NRCAM: variants seen among roughly 807,000 people sequenced by gnomAD.
NRCAM encodes neuronal cell adhesion molecule.
In NRCAM, 83 loss-of-function variants were observed where a neutral mutation model predicts 156.5. The observed-to-expected ratio is 0.53, with a 90% confidence interval of 0.44 to 0.64. The LOEUF (loss-of-function observed/expected upper bound fraction) is 0.64, where lower values mean the gene tolerates loss of function less well. Among genes scored for constraint, NRCAM ranks in the 30% least tolerant of loss-of-function variants. The pLI, the probability that NRCAM is intolerant of heterozygous loss-of-function variation, is 0.00. For missense variants in NRCAM, 1,417 were observed against 1,597.3 expected (o/e 0.89, Z 1.92); for synonymous variants, 538 against 563.9 (o/e 0.95, Z 0.65).
intron 3 of NRCAM, among the ~76,000 whole-genome samples, chr7:108,286,150 T>A (rs906492422): frequency 2.0e-5 from 3 of 152,224 alleles, no homozygotes; most frequent in Non-Finnish European, 4.4e-5. Context: ...TTGAATTTCA[T>A]GTAATTTTTC....
chr7:108,248,999 T>C (rs1158903096), intron 3 of NRCAM, among the ~76,000 whole-genome samples: 1 of 152,124 alleles, frequency 6.6e-6, no homozygotes, highest in African/African-American at 2.4e-5. Flanking sequence ...GGGTGCTAGC[T>C]AGTTGAAGCT....
intron 1 of NRCAM, among the ~76,000 whole-genome samples, chr7:108,436,598 T>A (rs1832509489): frequency 6.6e-6 from 1 of 152,200 alleles, no homozygotes; most frequent in Admixed American, 6.5e-5. Context: ...TCTCTCTGCT[T>A]TTGCATTTAA....
chr7:108,449,905 A>AT (rs35011471), intron 1 of NRCAM, among the ~76,000 whole-genome samples: 39,028 of 148,162 alleles, frequency 0.26, 5,346 homozygotes, highest in Non-Finnish European at 0.29. Flanking sequence ...CTAGAAATAG[A>AT]TTTTTTTTTT....
chr7:108,218,155 C>T (rs1336502182), intron 11 of NRCAM, among the ~76,000 whole-genome samples: 1 of 147,380 alleles, frequency 6.8e-6, no homozygotes, highest in Non-Finnish European at 1.5e-5. Flanking sequence ...GGCACAGTCC[C>T]TCACGGCTTC....
intron 11 of NRCAM, among the ~76,000 whole-genome samples, chr7:108,213,102 A>G (rs1463523005): frequency 6.6e-6 from 1 of 152,170 alleles, no homozygotes; most frequent in Non-Finnish European, 1.5e-5. Flanking sequence ...AGCCTCCACA[A>G]ACAAAACAAT....
At chr7:108,166,796 G>A (rs1473902161) in intron 30 of NRCAM, 125 bp downstream of exon 30, 4 of 722,466 alleles carry the variant, frequency 5.5e-6, no homozygotes, top group South Asian at 3.5e-5. Flanking sequence ...AACCCAACAG[G>A]GCCCCATAGA....
chr7:108,206,320 C>G (rs1374938506), intron 13 of NRCAM, among the ~76,000 whole-genome samples: 3 of 152,186 alleles, frequency 2.0e-5, no homozygotes, highest in African/African-American at 7.2e-5. Context: ...TTGGGAAAGT[C>G]AATTCGGCAG....
At chr7:108,382,834 C>T (rs903400067) in intron 2 of NRCAM, among the ~76,000 whole-genome samples, 1 of 152,146 alleles carries the variant, frequency 6.6e-6, no homozygotes, top group Non-Finnish European at 1.5e-5. Flanking sequence ...AAATTACCCA[C>T]TATCAATTTC....
At chr7:108,322,185 G>A (rs1375908317) in intron 2 of NRCAM, among the ~76,000 whole-genome samples, 1 of 151,986 alleles carries the variant, frequency 6.6e-6, no homozygotes, top group African/African-American at 2.4e-5. Flanking sequence ...GTCATTTTTG[G>A]TTCAACATTC....
At chr7:108,453,892 C>G (rs1383609784) in intron 1 of NRCAM, among the ~76,000 whole-genome samples, 1 of 152,066 alleles carries the variant, frequency 6.6e-6, no homozygotes, top group Non-Finnish European at 1.5e-5. Context: ...GAATGATTTC[C>G]TAAGATTGGA....
At chr7:108,375,524 T>C (rs2099671448) in intron 2 of NRCAM, among the ~76,000 whole-genome samples, 1 of 152,116 alleles carries the variant, frequency 6.6e-6, no homozygotes, top group Admixed American at 6.6e-5. Context: ...AAAAGGATCA[T>C]AGTCTTCAAG....
chr7:108,367,221 A>G (rs1218703158), intron 2 of NRCAM, among the ~76,000 whole-genome samples: 1 of 152,216 alleles, frequency 6.6e-6, no homozygotes, highest in Non-Finnish European at 1.5e-5. Context: ...TTTGACCACT[A>G]TATCAAAAAG....
intron 1 of NRCAM, among the ~76,000 whole-genome samples, chr7:108,428,942 C>A (rs948702305): frequency 6.9e-6 from 1 of 145,590 alleles, no homozygotes; most frequent in East Asian, 2.0e-4. Flanking sequence ...ATTTTCTTTT[C>A]TTTTCTTCTT....
intron 8 of NRCAM, 101 bp from the exon 9 acceptor site, chr7:108,226,479 T>C: frequency 1.4e-6 from 1 of 718,200 alleles, no homozygotes; most frequent in Non-Finnish European, 2.3e-6. Flanking sequence ...GTGAACTTCA[T>C]TTGAATATAT....
intron 2 of NRCAM, among the ~76,000 whole-genome samples, chr7:108,340,579 G>T (rs1485882131): frequency 6.6e-6 from 1 of 152,140 alleles, no homozygotes; most frequent in Admixed American, 6.5e-5. Context: ...AGGCCAGCAG[G>T]AAGTTCCCAG....
chr7:108,200,238 G>A (rs1225928624), intron 13 of NRCAM, among the ~76,000 whole-genome samples: 4 of 152,282 alleles, frequency 2.6e-5, no homozygotes, highest in South Asian at 2.1e-4. Context: ...TAAGGAACAT[G>A]TTCTTCCAAA....
intron 1 of NRCAM, among the ~76,000 whole-genome samples, chr7:108,422,121 T>G (rs574542206): frequency 6.6e-6 from 1 of 152,308 alleles, no homozygotes; most frequent in African/African-American, 2.4e-5. Flanking sequence ...GGTCAGAGTA[T>G]GCTCCTCCCT....
intron 1 of NRCAM, among the ~76,000 whole-genome samples, chr7:108,405,728 T>C (rs929537221): frequency 1.3e-5 from 2 of 152,230 alleles, no homozygotes; most frequent in Non-Finnish European, 2.9e-5. Flanking sequence ...TATCTTTAGA[T>C]ATGTTTGATA....
At chr7:108,161,479 A>T (rs1208686296) in intron 30 of NRCAM, among the ~76,000 whole-genome samples, 1 of 152,260 alleles carries the variant, frequency 6.6e-6, no homozygotes, top group African/African-American at 2.4e-5. Context: ...ATTAACTAGT[A>T]TAAATTCTTT....
Sources: gnomAD v4.1 joint callset for allele counts (sites outside exome capture counted in the v4.1 genomes callset) on GRCh38, gnomAD v4.1.1 for gene constraint, MANE v1.5 for transcripts, NCBI Gene and HGNC (gene_info 2026-07-23, HGNC 2026-07-21) for gene names.